The following CDH12 variants were observed in gnomAD, a reference collection of about 807,000 sequenced individuals.
CDH12 encodes cadherin 12, also known as cadherin-12.
Under a neutral mutation model 74.1 loss-of-function variants are expected in CDH12, and 41 were observed. That is an observed-to-expected ratio of 0.55 (90% confidence interval 0.43 to 0.72). The LOEUF (loss-of-function observed/expected upper bound fraction) is 0.72. CDH12 is among the 30% of genes least tolerant of loss of function. The pLI is 0.00. For synonymous variants in CDH12, 399 were observed against 355.0 expected, an observed-to-expected ratio of 1.12 and a Z score of -1.39; for missense variants, 945 against 977.2, an observed-to-expected ratio of 0.97 and a Z score of 0.44.
At chr5:22,138,410 G>T (rs906537941) in intron 4 of CDH12, among the ~76,000 whole-genome samples, 3 of 151,584 alleles carry the variant, frequency 2.0e-5, no homozygotes, top group African/African-American at 2.4e-5. Context: ...ACACAAGTAG[G>T]TATCACTTAA....
intron 3 of CDH12, among the ~76,000 whole-genome samples, chr5:22,326,299 A>C (rs1475838755): frequency 6.6e-6 from 1 of 151,224 alleles, no homozygotes; most frequent in Non-Finnish European, 1.5e-5. Flanking sequence ...CAGTGGCGCG[A>C]TCTCGGCTCA....
chr5:22,812,926 G>T (rs1042159049), intron 1 of CDH12, among the ~76,000 whole-genome samples: 1 of 152,110 alleles, frequency 6.6e-6, no homozygotes, highest in Non-Finnish European at 1.5e-5. Flanking sequence ...GAGGACTGAG[G>T]AGGAGGTGAA....
At chr5:22,483,088 A>G (rs1746445542) in intron 2 of CDH12, among the ~76,000 whole-genome samples, 1 of 152,126 alleles carries the variant, frequency 6.6e-6, no homozygotes, top group Non-Finnish European at 1.5e-5. Flanking sequence ...TACTTTGAAG[A>G]TATACAGATT....
intron 2 of CDH12, among the ~76,000 whole-genome samples, chr5:22,406,719 G>T (rs1210663832): frequency 6.6e-6 from 1 of 151,868 alleles, no homozygotes; most frequent in East Asian, 1.9e-4. Flanking sequence ...CTAAGCATGT[G>T]GTAATACAGA....
chr5:21,909,633 A>G (rs7725176), intron 6 of CDH12, among the ~76,000 whole-genome samples: 117,036 of 151,996 alleles, frequency 0.77, 46,714 homozygotes, highest in East Asian at 0.94. Context: ...ATTTGGGGCC[A>G]GTAATATGCA....
chr5:22,227,402 C>T (rs1752233534), intron 3 of CDH12, among the ~76,000 whole-genome samples: 1 of 152,062 alleles, frequency 6.6e-6, no homozygotes, highest in African/African-American at 2.4e-5. Flanking sequence ...AAGATAGAAA[C>T]ATGTCAATAA....
chr5:21,935,235 G>A (rs367783553), intron 6 of CDH12, among the ~76,000 whole-genome samples: 4 of 152,012 alleles, frequency 2.6e-5, no homozygotes. Context: ...ATGAGATCAT[G>A]GGCTAATTTT....
rs1004968989 is a variant in CDH12 at position 21,854,647 on chromosome 5, T to C, written c.646+24A>G. The C allele has an allele frequency of 3.8e-6, 6 of 1,581,734 alleles. No homozygotes were observed. The African/African-American group carries it at 4.1e-5, about 11-fold the overall frequency. The stretch of plus-strand genomic sequence containing the variant: ...TAAATATTTGAAGGGCTGGTGATAA[T>C]GTTGCCTCTAATAAAAAATTTACCT... On this transcript the variant is annotated intron_variant, in intron 7 of 14. Transcript: ENST00000382254.
chr5:22,593,161 C>A (rs1490138951), intron 1 of CDH12, among the ~76,000 whole-genome samples: 4 of 151,972 alleles, frequency 2.6e-5, no homozygotes, highest in Non-Finnish European at 5.9e-5. Context: ...GATCTCAATC[C>A]CTTTCTATGG....
At chr5:21,862,964 C>A (rs1026623238) in intron 6 of CDH12, among the ~76,000 whole-genome samples, 1 of 152,044 alleles carries the variant, frequency 6.6e-6, no homozygotes, top group African/African-American at 2.4e-5. Context: ...AACATAGGAA[C>A]ATGGGAGTCT....
intron 4 of CDH12, among the ~76,000 whole-genome samples, chr5:22,154,441 A>ATACACATATATATGTACACATATATATG (rs1197224217): frequency 3.0e-3 from 248 of 81,586 alleles, no homozygotes; most frequent in African/African-American, 0.01. Context: ...TAGTGAATAT[A>ATACACATATATATGTACACATATATATG]TACACATATA....
chr5:21,828,894 T>C (rs1748835354), intron 8 of CDH12, among the ~76,000 whole-genome samples: 1 of 142,638 alleles, frequency 7.0e-6, no homozygotes, highest in African/African-American at 2.6e-5. Flanking sequence ...CTTACAACCC[T>C]TTAAATCCTA....
At chr5:22,704,715 C>T (rs1742894907) in intron 1 of CDH12, among the ~76,000 whole-genome samples, 1 of 152,028 alleles carries the variant, frequency 6.6e-6, no homozygotes, top group East Asian at 1.9e-4. Context: ...TTATCTACAT[C>T]TATTATGTTC....
chr5:22,239,812 C>G (rs1293078796), intron 3 of CDH12, among the ~76,000 whole-genome samples: 1 of 152,060 alleles, frequency 6.6e-6, no homozygotes, highest in East Asian at 1.9e-4. Context: ...ATAAGATAAA[C>G]AGAGTAACAG....
intron 1 of CDH12, among the ~76,000 whole-genome samples, chr5:22,547,749 G>A (rs891689009): frequency 6.6e-6 from 1 of 152,066 alleles, no homozygotes; most frequent in Non-Finnish European, 1.5e-5. Context: ...AGCTTATTTA[G>A]TGTTTAAATA....
intron 1 of CDH12, among the ~76,000 whole-genome samples, chr5:22,695,024 G>A (rs576554599): frequency 6.1e-4 from 92 of 152,002 alleles, no homozygotes; most frequent in African/African-American, 2.1e-3. Context: ...GGTGTGTGAT[G>A]TTCCCCTCCC....
intron 5 of CDH12, among the ~76,000 whole-genome samples, chr5:22,008,113 T>C (rs986480345): frequency 5.3e-5 from 8 of 152,226 alleles, no homozygotes; most frequent in Non-Finnish European, 1.0e-4. Flanking sequence ...TTGGTGCTTT[T>C]GGCACTCACC....
chr5:21,880,672 TTTCTTTC>T (rs1430434555), intron 6 of CDH12, among the ~76,000 whole-genome samples: 3 of 136,184 alleles, frequency 2.2e-5, no homozygotes, highest in Non-Finnish European at 4.8e-5. Flanking sequence ...TCTTTCTTTC[TTTCTTTC>T]TTTCTTTCTT....
At chr5:22,714,503 A>G (rs1743470096) in intron 1 of CDH12, among the ~76,000 whole-genome samples, 1 of 152,194 alleles carries the variant, frequency 6.6e-6, no homozygotes, top group African/African-American at 2.4e-5. Flanking sequence ...CTGCTATCTG[A>G]TGGCAGGTCA....
Sources: gnomAD v4.1 joint callset for allele counts (sites outside exome capture counted in the v4.1 genomes callset) on GRCh38, gnomAD v4.1.1 for gene constraint, MANE v1.5 for transcripts, NCBI Gene and HGNC (gene_info 2026-07-23, HGNC 2026-07-21) for gene names.